The following NRG3 variants were observed in gnomAD, a reference collection of about 807,000 sequenced individuals.
NRG3 encodes neuregulin 3.
NRG3 carries 31 observed loss-of-function variants against 66.9 expected under a neutral mutation model. The ratio of observed to expected loss-of-function variants is 0.46; its 90% CI spans 0.35 to 0.63. The LOEUF is 0.63. NRG3 is among the 20% of genes least tolerant of loss of function. NRG3 has a pLI of 0.00. For missense variants in NRG3, 910 were observed against 878.9 expected, an observed-to-expected ratio of 1.04 and a Z score of -0.45; for synonymous variants, 393 against 359.4, an observed-to-expected ratio of 1.09 and a Z score of -1.06.
At chr10:82,478,265 A>AT (rs1841971369) in intron 2 of NRG3, among the ~76,000 whole-genome samples, 1 of 11,236 alleles carries the variant, frequency 8.9e-5, no homozygotes, top group Non-Finnish European at 2.6e-4. Context: ...TTTTTAATTT[A>AT]TTTTTTTATT....
intron 2 of NRG3, among the ~76,000 whole-genome samples, chr10:82,686,192 T>C (rs1487814629): frequency 1.3e-5 from 2 of 152,034 alleles, no homozygotes; most frequent in African/African-American, 4.8e-5. Flanking sequence ...TTTTTTTTAT[T>C]TTTTATTTTT....
chr10:82,568,284 G>A (rs1465941512), intron 2 of NRG3, among the ~76,000 whole-genome samples: 1 of 151,858 alleles, frequency 6.6e-6, no homozygotes, highest in Non-Finnish European at 1.5e-5. Flanking sequence ...GAGCAGTTTA[G>A]TAATTTAATA....
At chr10:82,412,350 C>T (rs1047628632) in intron 2 of NRG3, among the ~76,000 whole-genome samples, 7 of 152,026 alleles carry the variant, frequency 4.6e-5, no homozygotes, top group African/African-American at 1.4e-4. Context: ...TTTGTTTTCC[C>T]AGTGCATATA....
chr10:82,149,512 G>T (rs996118680), intron 1 of NRG3, among the ~76,000 whole-genome samples: 4 of 151,940 alleles, frequency 2.6e-5, no homozygotes, highest in African/African-American at 9.7e-5. Flanking sequence ...ACTTGTAATC[G>T]GAGCTTTTCA....
chr10:81,892,282 G>GTA (rs554878958), intron 1 of NRG3, among the ~76,000 whole-genome samples: 108 of 151,304 alleles, frequency 7.1e-4, no homozygotes, highest in South Asian at 6.9e-3. Context: ...ATATGTAGGG[G>GTA]TATATATATA....
chr10:81,937,708 A>T (rs1848010779), intron 1 of NRG3, among the ~76,000 whole-genome samples: 1 of 152,012 alleles, frequency 6.6e-6, no homozygotes, highest in African/African-American at 2.4e-5. Context: ...GTTGCCTTTC[A>T]CTGTGTTGAC....
intron 1 of NRG3, among the ~76,000 whole-genome samples, chr10:82,344,633 C>T (rs796262962): frequency 2.9e-5 from 4 of 137,128 alleles, no homozygotes; most frequent in East Asian, 4.4e-4. Context: ...CCTGAGGAAT[C>T]GCCACACTGA....
In NRG3 at chr10:82,070,366, G is replaced by T. The variant is rs181256626; in HGVS notation, c.823+194203G>T. On this transcript the variant is annotated intron_variant, in intron 1 of 8. Transcript: ENST00000372141. ...AGGAGGGAAAGAAGATATTTAAGGG[G>T]TTTTGCTATTTTATCTGGCTTAAGT... Among the ~76,000 whole-genome samples the T allele has an allele frequency of 7.1e-4, 108 of 152,176 alleles. 1 individual carries two copies. The East Asian group carries it at 0.018, about 25-fold the overall frequency.
Position 82,910,589 on chromosome 10 carries a change from C to T in NRG3, c.1055-40880C>T, listed in dbSNP as rs145485747. Reference sequence around the variant, plus strand: ...AACATTTGTACCAGTGGCTTATGCTCACTGCAAAGAAGCTGAACTGGATGA... The same window carrying T: ...AACATTTGTACCAGTGGCTTATGCTTACTGCAAAGAAGCTGAACTGGATGA... On this transcript the variant is annotated intron_variant, in intron 4 of 8. Transcript: ENST00000372141. Among the ~76,000 whole-genome samples, 509 of 152,328 alleles carry T rather than the reference C, an allele frequency of 3.3e-3. 17 individuals carry two copies. The highest frequency in any genetic ancestry group is 0.027 in the Admixed American group (410 of 15,302).
chr10:82,765,920 T>G (rs2059496704), intron 3 of NRG3, among the ~76,000 whole-genome samples: 1 of 152,200 alleles, frequency 6.6e-6, no homozygotes, highest in Admixed American at 6.5e-5. Context: ...AATATCAGAT[T>G]TGATTTCCAC....
At chr10:82,917,021 C>T (rs149885067) in intron 4 of NRG3, among the ~76,000 whole-genome samples, 6 of 152,270 alleles carry the variant, frequency 3.9e-5, no homozygotes, top group African/African-American at 7.2e-5. Flanking sequence ...GCATTCTGAC[C>T]GTAGCACACA....
intron 1 of NRG3, among the ~76,000 whole-genome samples, chr10:82,312,919 G>A (rs2081107181): frequency 6.6e-6 from 1 of 152,176 alleles, no homozygotes; most frequent in Admixed American, 6.5e-5. Flanking sequence ...GCTCATGCCT[G>A]TAATTCCAGC....
chr10:82,743,142 GCATATT>G (rs2058501030), intron 3 of NRG3, among the ~76,000 whole-genome samples: 1 of 152,100 alleles, frequency 6.6e-6, no homozygotes, highest in Non-Finnish European at 1.5e-5. Context: ...CCAGTACTTA[GCATATT>G]CCTGGCTGTG....
chr10:82,199,872 GCA>G (rs1345698850), intron 1 of NRG3, among the ~76,000 whole-genome samples: 4 of 117,378 alleles, frequency 3.4e-5, no homozygotes, highest in East Asian at 4.5e-4. Flanking sequence ...TTGAGAGTGT[GCA>G]TGTGTGTGTG....
intron 1 of NRG3, among the ~76,000 whole-genome samples, chr10:82,191,496 C>T (rs1310473481): frequency 6.6e-6 from 1 of 152,110 alleles, no homozygotes; most frequent in East Asian, 1.9e-4. Context: ...TTGACAGCTA[C>T]CCCAATCCCC....
intron 2 of NRG3, among the ~76,000 whole-genome samples, chr10:82,738,191 A>G (rs2058249913): frequency 6.6e-6 from 1 of 152,184 alleles, no homozygotes; most frequent in Non-Finnish European, 1.5e-5. Context: ...ATCTTTTATA[A>G]GAAAATGGCA....
Position 82,797,607 on chromosome 10 carries a change from C to T in NRG3, c.1027+58957C>T, listed in dbSNP as rs79196037. ...ATTATATCAAATGTCCTTGTTTGCT[C>T]ATGTCTGCCCCCAAAGTACCTCGAA... On this transcript the variant is annotated intron_variant, in intron 3 of 8. Transcript: ENST00000372141. 3.7e-3 allele frequency among the ~76,000 whole-genome samples: 562 copies of T among 152,238 alleles called. 4 individuals are homozygous for T. The highest frequency in any genetic ancestry group is 8.9e-3 in the African/African-American group (370 of 41,552).
chr10:82,756,027 G>C (rs2075483622), intron 3 of NRG3, among the ~76,000 whole-genome samples: 1 of 151,956 alleles, frequency 6.6e-6, no homozygotes, highest in Admixed American at 6.6e-5. Context: ...AACTCGCTCT[G>C]TAGACACCTT....
At chr10:82,720,942 A>G (rs941582889) in intron 2 of NRG3, among the ~76,000 whole-genome samples, 6 of 149,708 alleles carry the variant, frequency 4.0e-5, no homozygotes, top group African/African-American at 1.2e-4. Context: ...CTGAGATTCC[A>G]TTTCAACTTG....
Sources: allele counts gnomAD v4.1 joint callset (sites outside exome capture counted in the v4.1 genomes callset), GRCh38; gene constraint gnomAD v4.1.1; transcripts MANE v1.5; gene names NCBI Gene and HGNC (gene_info 2026-07-23, HGNC 2026-07-21).